Variants in LRRC41 observed in about 807,000 individuals in gnomAD.
LRRC41 encodes leucine-rich repeat-containing protein 41.
Under a neutral mutation model 72.1 loss-of-function variants are expected in LRRC41, and 17 were observed. The ratio of observed to expected loss-of-function variants is 0.24; its 90% confidence interval spans 0.16 to 0.35. The LOEUF is 0.35. LRRC41 is among the 10% of genes least tolerant of loss of function. LRRC41 has a pLI of 1.00. For synonymous variants in LRRC41, 427 were observed against 431.0 expected (o/e 0.99, Z 0.11); for missense variants, 759 against 1,065.0 (o/e 0.71, Z 4.00).
intron 4 of LRRC41, among the ~76,000 whole-genome samples, chr1:46,283,681 ACT>A (rs1182632780): frequency 6.6e-6 from 1 of 151,846 alleles, no homozygotes; most frequent in Non-Finnish European, 1.5e-5. Flanking sequence ...GCTCTGAGGA[ACT>A]CTGAATAAAC....
At position 46,286,444 on chromosome 1, in the gene LRRC41, C is replaced by T. The variant is rs1660885607; in HGVS notation, c.413G>A (p.Arg138His). 1.2e-6 allele frequency: 2 copies of T among 1,610,234 alleles called. No homozygotes were observed. Among genetic ancestry groups the T allele is most frequent in the Non-Finnish European group, 1.7e-6 (2 of 1,178,094 alleles). ...GTCAGAAGACACATCAATGGTCCCACGTAGAACATGGGAAAAAAAGGCCTC... is the reference window on the plus strand; with the variant it reads ...GTCAGAAGACACATCAATGGTCCCATGTAGAACATGGGAAAAAAAGGCCTC... ...FMEAFFSHVL[R>H]GTIDVSSDRR... Residue 138 changes from arginine to histidine, a missense_variant, in exon 4 of 10, where the codon CGT (arginine) becomes CAT (histidine). Arg to His is a conservative substitution (Grantham distance 29). Around this residue, in one of 4 missense-constraint regions of LRRC41, gnomAD observed 116 missense variants for 250.9 expected, o/e 0.46. Coordinates refer to ENST00000617190, the MANE Select transcript of LRRC41 (RefSeq NM_006369.5). This position sits in a 1 kb window ranked among gnomAD's most constrained non-coding sequence, Gnocchi z 5.5.
intron 3 of LRRC41, among the ~76,000 whole-genome samples, chr1:46,287,757 ACT>A (rs1291746274): frequency 2.6e-5 from 4 of 152,042 alleles, no homozygotes; most frequent in South Asian, 2.1e-4. Flanking sequence ...CTCCTCTGAC[ACT>A]CTGACTACTC....
chr1:46,281,406 A>C (rs1660772254), intron 4 of LRRC41, 21 bp from the exon 5 acceptor site: 1 of 1,612,186 alleles, frequency 6.2e-7, no homozygotes, highest in Non-Finnish European at 8.5e-7. Flanking sequence ...AAAGAGATTA[A>C]GTCAGAACCA....
chr1:46,279,533 T>G lies in LRRC41; in HGVS notation c.2102A>C (p.Asn701Thr). Residue 701 changes from asparagine (N) to threonine (T), a missense_variant, in exon 8 of 10, where the codon AAC becomes ACC. Physicochemically the swap from Asn to Thr is moderately conservative, Grantham distance 65. Coordinates refer to ENST00000617190, the MANE Select transcript of LRRC41 (RefSeq NM_006369.5). The surrounding 1 kb of genome is among the most constrained non-coding windows in gnomAD (Gnocchi z 4.5). ...LPEMVAAMKG[N>T]STLKGLRLPG... The stretch of plus-strand genomic sequence containing the variant: ...CAGCCGGAGGCCCTTCAGTGTGGAG[T>G]TGCCCTTCATAGCAGCAACCATCTC... 6.2e-7 allele frequency: 1 copy of G among 1,614,002 alleles called. No homozygotes were observed.
intron 1 of LRRC41, among the ~76,000 whole-genome samples, chr1:46,301,827 G>A (rs980124595): frequency 6.6e-6 from 1 of 151,536 alleles, no homozygotes; most frequent in African/African-American, 2.4e-5. Flanking sequence ...CTGCTCTCCT[G>A]CCCCCCTCCC....
intron 3 of LRRC41, among the ~76,000 whole-genome samples, chr1:46,288,397 T>C (rs760214022): frequency 6.6e-6 from 1 of 152,216 alleles, no homozygotes; most frequent in Non-Finnish European, 1.5e-5. Flanking sequence ...AAGATCAAAA[T>C]GAAGTAGTAC....
intron 3 of LRRC41, among the ~76,000 whole-genome samples, chr1:46,290,769 G>A (rs987728221): frequency 1.3e-5 from 2 of 151,968 alleles, no homozygotes; most frequent in Non-Finnish European, 2.9e-5. Flanking sequence ...ACCATGTCCA[G>A]CTAATTTTTT....
intron 3 of LRRC41, among the ~76,000 whole-genome samples, chr1:46,288,136 C>CGTCTT (rs1289124979): frequency 6.6e-6 from 1 of 152,214 alleles, no homozygotes; most frequent in East Asian, 1.9e-4. Context: ...AAGGTCAAGA[C>CGTCTT]ATCTTTATTG....
Position 46,286,039 on chromosome 1 carries a change from C to T in LRRC41, c.818G>A (p.Arg273Gln), listed in dbSNP as rs939187238. The change falls in exon 4 of 10, where the codon CGG (arginine) becomes CAG (glutamine). Residue 273 changes from arginine (R) to glutamine (Q), a missense_variant. By Grantham distance (43) the Arg-to-Gln change is conservative (BLOSUM62 1). Coordinates refer to ENST00000617190, the MANE Select transcript of LRRC41 (RefSeq NM_006369.5). The surrounding 1 kb of genome is among the most constrained non-coding windows in gnomAD (Gnocchi z 5.5). ...GGACCCTTCATCTCGGGATGGGGCC[C>T]GGCCTCGGGAGGCCTCTCCACAGAG... ...CRLCGEASRG[R>Q]APSRDEGSLL... The T allele has an allele frequency of 1.2e-5, 19 of 1,590,770 alleles. No homozygotes were observed. The highest frequency in any genetic ancestry group is 4.5e-5 in the South Asian group (4 of 88,586).
chr1:46,296,272 C>T (rs1661124830), intron 3 of LRRC41, among the ~76,000 whole-genome samples: 1 of 152,170 alleles, frequency 6.6e-6, no homozygotes, highest in Non-Finnish European at 1.5e-5. Flanking sequence ...AAAAAATTAG[C>T]TGGGTGTGGT....
chr1:46,295,359 C>T (rs1400633368), intron 3 of LRRC41, among the ~76,000 whole-genome samples: 1 of 152,198 alleles, frequency 6.6e-6, no homozygotes, highest in Non-Finnish European at 1.5e-5. Flanking sequence ...CCGTGCCTGA[C>T]CTTACAGATC....
chr1:46,291,043 G>A (rs558810175), intron 3 of LRRC41, among the ~76,000 whole-genome samples: 6 of 144,854 alleles, frequency 4.1e-5, no homozygotes, highest in Non-Finnish European at 8.9e-5. Context: ...TCCTGCCTCA[G>A]TCTCCCAAGT....
chr1:46,303,271 C>T lies in LRRC41; in HGVS notation c.52G>A (p.Ala18Thr). Residue 18 changes from alanine to threonine, a missense_variant, in exon 1 of 10, where the codon GCG becomes ACG. Transcript: ENST00000617190. Reference sequence around the variant, plus strand: ...GTGGCCTCCATGGTCGTTGCCGCCGCTACCTCACAGAACCAGCAACTCCGG... The same window carrying T: ...GTGGCCTCCATGGTCGTTGCCGCCGTTACCTCACAGAACCAGCAACTCCGG... ...RARSCWFCEV[A>T]AATTMEATSR... The T allele has an allele frequency of 6.5e-7, 1 of 1,545,482 alleles. No individual in the cohort carries two copies. The highest frequency in any genetic ancestry group is 8.7e-7 in the Non-Finnish European group (1 of 1,146,314).
intron 3 of LRRC41, among the ~76,000 whole-genome samples, chr1:46,290,132 G>C (rs536034544): frequency 6.6e-6 from 1 of 152,310 alleles, no homozygotes; most frequent in Non-Finnish European, 1.5e-5. Flanking sequence ...CATGGACGAG[G>C]CATGGTGACT....
chr1:46,286,275 G>T lies in LRRC41; in HGVS notation c.582C>A (p.Ser194=). 6.2e-7 allele frequency: 1 copy of T among 1,614,228 alleles called. No homozygotes were observed. The highest frequency in any genetic ancestry group is 8.5e-7 in the Non-Finnish European group (1 of 1,180,038). ...NRRVLETLAS[S]LHTLKFRHLL... is the part of the protein sequence containing the mutation. ...GGTGGCGGAACTTGAGAGTGTGCAGGGAGCTGGCCAGGGTCTCCAGAACCC... is the reference window on the plus strand; with the variant it reads ...GGTGGCGGAACTTGAGAGTGTGCAGTGAGCTGGCCAGGGTCTCCAGAACCC... The change falls in exon 4 of 10, where the codon TCC becomes TCA. Residue 194 remains serine (S), a synonymous_variant. Transcript: ENST00000617190. The surrounding 1 kb of genome is among the most constrained non-coding windows in gnomAD (Gnocchi z 5.5).
intron 1 of LRRC41, chr1:46,299,068 C>CTA (rs2148326729): frequency 6.6e-6 from 1 of 152,342 alleles, no homozygotes; most frequent in Admixed American, 6.5e-5. Context: ...ATTCGTGTCT[C>CTA]TAAAGTCAAT....
Position 46,286,163 on chromosome 1 carries a change from G to C in LRRC41, c.694C>G (p.Leu232Val). 1.2e-6 allele frequency: 2 copies of C among 1,614,250 alleles called. No individual in the cohort carries two copies. Among genetic ancestry groups the C allele is most frequent in the Non-Finnish European group, 1.7e-6 (2 of 1,180,038 alleles). Residue 232 changes from leucine (L) to valine (V), a missense_variant, in exon 4 of 10, where the codon CTA becomes GTA. Physicochemically the swap from Leu to Val is conservative, Grantham distance 32. This residue lies in a region of LRRC41 where 116 missense variants were observed against 250.9 expected (regional missense o/e 0.46). Transcript: ENST00000617190. The surrounding 1 kb of genome is among the most constrained non-coding windows in gnomAD (Gnocchi z 5.5). ...IHHGAVSQVS[L>V]YSWPVPESAL... ...GACTCAGGCACAGGCCAGGAGTATA[G>C]CGACACTTGACTGACAGCCCCATGG...
At position 46,301,938 on chromosome 1, in the gene LRRC41, C is replaced by A. The variant is rs543288534; in HGVS notation, c.199+1186G>T. 8.1e-6 allele frequency: 8 copies of A among 985,024 alleles called. No individual in the cohort carries two copies. In the South Asian group the frequency reaches 2.3e-4, roughly 29 times the overall value. The allele number at this position is 985,024 out of a possible 1,614,324, so 61.0% of individuals were successfully genotyped here. A position where few individuals can be genotyped will look rare whatever the true frequency, so the allele number is the denominator to read the frequency against. ...CAGCAGCCTCTCAGGCCCGAGGCCT[C>A]CCCTGTCCCCAGCGCGGCTAGGCCT... is the stretch of plus-strand genomic sequence containing the variant. On this transcript the variant is annotated intron_variant, in intron 1 of 9. Coordinates refer to ENST00000617190, the MANE Select transcript of LRRC41 (RefSeq NM_006369.5).
chr1:46,296,257 A>G (rs1661124250), intron 3 of LRRC41, among the ~76,000 whole-genome samples: 1 of 152,192 alleles, frequency 6.6e-6, no homozygotes, highest in Non-Finnish European at 1.5e-5. Context: ...TCTATTAAAA[A>G]TACAAAAAAA....
Sources: gnomAD v4.1 joint callset for allele counts (sites outside exome capture counted in the v4.1 genomes callset) on GRCh38, gnomAD v4.1.1 for gene constraint, gnomAD v4.1.1 regional missense constraint, Gnocchi (gnomAD v3.1) non-coding constraint, MANE v1.5 for transcripts, NCBI Gene and HGNC (gene_info 2026-07-23, HGNC 2026-07-21) for gene names.